The following NAALADL2 variants were observed in gnomAD, a reference collection of about 807,000 sequenced individuals.
The protein encoded by NAALADL2 is inactive N-acetylated-alpha-linked acidic dipeptidase-like protein 2.
In NAALADL2, 76 loss-of-function variants were observed where a neutral mutation model predicts 87.2. That is an observed-to-expected ratio of 0.87 (90% CI 0.72 to 1.05). NAALADL2 has a LOEUF of 1.05. Among genes scored for constraint, NAALADL2 ranks in the 50% least tolerant of loss-of-function variants. The pLI is 0.00. For missense variants in NAALADL2, 1,089 were observed against 945.8 expected, an observed-to-expected ratio of 1.15 and a Z score of -1.99; for synonymous variants, 354 against 331.0, an observed-to-expected ratio of 1.07 and a Z score of -0.75.
chr3:175,240,224 A>G (rs1338309328), intron 3 of NAALADL2, among the ~76,000 whole-genome samples: 1 of 152,218 alleles, frequency 6.6e-6, no homozygotes, highest in Non-Finnish European at 1.5e-5. Flanking sequence ...CAGAACGATT[A>G]ATCATGTTGA....
At chr3:175,080,649 T>TC (rs1465399512) in intron 1 of NAALADL2, among the ~76,000 whole-genome samples, 1 of 152,190 alleles carries the variant, frequency 6.6e-6, no homozygotes, top group African/African-American at 2.4e-5. Flanking sequence ...CCTAAACATT[T>TC]TGCACACTGA....
At chr3:174,701,814 T>A (rs1317408508) in intron 2 of NAALADL2, among the ~76,000 whole-genome samples, 1 of 152,154 alleles carries the variant, frequency 6.6e-6, no homozygotes, top group Non-Finnish European at 1.5e-5. Flanking sequence ...ATTGGAAGGG[T>A]ATATCACCAT....
intron 9 of NAALADL2, among the ~76,000 whole-genome samples, chr3:175,509,410 C>T (rs1480193259): frequency 1.3e-5 from 2 of 152,266 alleles, no homozygotes; most frequent in South Asian, 2.1e-4. Context: ...CTTATTCTTC[C>T]TCTCTTGGGG....
At chr3:174,463,599 CTTTT>C (rs57673935) in intron 1 of NAALADL2, among the ~76,000 whole-genome samples, 2 of 121,490 alleles carry the variant, frequency 1.6e-5, no homozygotes, top group Non-Finnish European at 1.7e-5. Context: ...TAAAGATTAT[CTTTT>C]TTTTTTTTTT....
intron 2 of NAALADL2, among the ~76,000 whole-genome samples, chr3:175,170,962 A>G (rs1474319934): frequency 6.6e-6 from 1 of 152,000 alleles, no homozygotes; most frequent in Non-Finnish European, 1.5e-5. Context: ...GAGTTATAAT[A>G]CAGATTAATT....
chr3:174,584,368 T>G (rs1236475881), intron 2 of NAALADL2, among the ~76,000 whole-genome samples: 3 of 152,180 alleles, frequency 2.0e-5, no homozygotes, highest in Admixed American at 1.3e-4. Context: ...TTTTAAAGAT[T>G]AAGTATGTGT....
At chr3:174,534,142 C>T (rs9810526) in intron 1 of NAALADL2, among the ~76,000 whole-genome samples, 29,532 of 152,022 alleles carry the variant, frequency 0.19, 3,994 homozygotes, top group East Asian at 0.52. Context: ...TCTACTATTA[C>T]ATTTCTTATG....
chr3:175,100,031 A>G (rs1446159563), intron 2 of NAALADL2, among the ~76,000 whole-genome samples: 5 of 150,746 alleles, frequency 3.3e-5, no homozygotes, highest in Non-Finnish European at 5.9e-5. Flanking sequence ...TTTATATTAT[A>G]TGATATAATT....
rs575035713 is a variant in NAALADL2 at position 175,613,803 on chromosome 3, T to G, written c.1801-13488T>G. On this transcript the variant is annotated intron_variant, in intron 10 of 13. Transcript: ENST00000454872. ...TTCACAGGATTTTTCTGAGGGTTAATTGAGCTACTATTACAATGTATTTTA... is the reference window on the plus strand; with the variant it reads ...TTCACAGGATTTTTCTGAGGGTTAAGTGAGCTACTATTACAATGTATTTTA... 5.9e-5 allele frequency among the ~76,000 whole-genome samples: 9 copies of G among 152,342 alleles called. No homozygotes were observed. The South Asian group carries it at 1.9e-3, about 32-fold the overall frequency.
intron 3 of NAALADL2, among the ~76,000 whole-genome samples, chr3:174,746,756 G>GTGGTCTT (rs1734299175): frequency 1.3e-5 from 2 of 152,048 alleles, no homozygotes; most frequent in Non-Finnish European, 2.9e-5. Flanking sequence ...ACAAAATAGA[G>GTGGTCTT]ATCTCAGAAA....
intron 2 of NAALADL2, among the ~76,000 whole-genome samples, chr3:174,644,283 C>T (rs998568160): frequency 1.3e-5 from 2 of 152,122 alleles, no homozygotes; most frequent in African/African-American, 4.8e-5. Context: ...CAATTAATAC[C>T]TAACTTGTAT....
At chr3:174,796,052 A>G (rs936620015) in intron 3 of NAALADL2, among the ~76,000 whole-genome samples, 1 of 152,206 alleles carries the variant, frequency 6.6e-6, no homozygotes, top group Non-Finnish European at 1.5e-5. Flanking sequence ...ATTAAGATCA[A>G]TCAGGTCATC....
chr3:174,699,534 C>G (rs1438868009), intron 2 of NAALADL2, among the ~76,000 whole-genome samples: 4 of 151,764 alleles, frequency 2.6e-5, no homozygotes, highest in East Asian at 1.9e-4. Context: ...TTTAGCCATA[C>G]ATTTCTAATT....
intron 2 of NAALADL2, among the ~76,000 whole-genome samples, chr3:175,203,859 T>C (rs1688304906): frequency 6.6e-6 from 1 of 152,190 alleles, no homozygotes; most frequent in Non-Finnish European, 1.5e-5. Context: ...GATGGATACA[T>C]TCCTGGAAAA....
At chr3:175,014,146 A>G (rs2108829035) in intron 1 of NAALADL2, among the ~76,000 whole-genome samples, 1 of 152,046 alleles carries the variant, frequency 6.6e-6, no homozygotes, top group South Asian at 2.1e-4. Context: ...TATCTTTCCA[A>G]CCTCATCTTC....
At chr3:174,840,835 C>T (rs983909402) in intron 3 of NAALADL2, among the ~76,000 whole-genome samples, 1 of 152,048 alleles carries the variant, frequency 6.6e-6, no homozygotes, top group African/African-American at 2.4e-5. Flanking sequence ...TAAGAACTAG[C>T]TGCTTGGGGG....
chr3:174,465,890 G>A (rs1716504348), intron 1 of NAALADL2, among the ~76,000 whole-genome samples: 1 of 151,880 alleles, frequency 6.6e-6, no homozygotes, highest in South Asian at 2.1e-4. Context: ...GTGTTTCTGT[G>A]TGTTTGTGTG....
At chr3:175,144,102 A>G (rs927415761) in intron 2 of NAALADL2, among the ~76,000 whole-genome samples, 8 of 151,970 alleles carry the variant, frequency 5.3e-5, no homozygotes, top group Non-Finnish European at 1.0e-4. Flanking sequence ...GCTATTTTTT[A>G]AAGATTATTC....
At chr3:175,709,866 T>C (rs1156291720) in intron 11 of NAALADL2, among the ~76,000 whole-genome samples, 1 of 152,012 alleles carries the variant, frequency 6.6e-6, no homozygotes, top group Admixed American at 6.6e-5. Flanking sequence ...CAGTCAATGG[T>C]GATCTTGACA....
Sources: allele counts gnomAD v4.1 joint callset (sites outside exome capture counted in the v4.1 genomes callset), GRCh38; gene constraint gnomAD v4.1.1; transcripts MANE v1.5; gene names NCBI Gene and HGNC (gene_info 2026-07-23, HGNC 2026-07-21).